RDX: variants seen among roughly 807,000 people sequenced by gnomAD.
RDX encodes the protein radixin.
A neutral mutation model predicts 83.7 loss-of-function variants in RDX; 32 were observed. That is an observed-to-expected ratio of 0.38 (90% confidence interval 0.29 to 0.51). The LOEUF (loss-of-function observed/expected upper bound fraction) is 0.51, where lower values mean the gene tolerates loss of function less well. Among genes scored for constraint, RDX ranks in the 20% least tolerant of loss-of-function variants. The pLI, the probability that RDX is intolerant of heterozygous loss-of-function variation, is 0.87. For missense variants in RDX, 600 were observed against 689.9 expected (o/e 0.87, Z 1.46); for synonymous variants, 229 against 222.7 (o/e 1.03, Z -0.25).
At chr11:110,184,046 C>A (rs1370983710) in intron 15 of RDX, among the ~76,000 whole-genome samples, 1 of 152,214 alleles carries the variant, frequency 6.6e-6, no homozygotes, top group Admixed American at 6.5e-5. Flanking sequence ...CATCCCCAGA[C>A]ATGTCCCCTG....
At chr11:110,236,493 ATTTGT>A in intron 11 of RDX, 1 of 308,770 alleles carries the variant, frequency 3.2e-6, no homozygotes. Flanking sequence ...TCAATAAACT[ATTTGT>A]TAAAGTCCAC....
At chr11:110,266,101 G>T (rs938522198) in intron 3 of RDX, among the ~76,000 whole-genome samples, 4 of 151,428 alleles carry the variant, frequency 2.6e-5, no homozygotes, top group Non-Finnish European at 5.9e-5. Context: ...GAGGCGGGCG[G>T]ATCACAAAGT....
chr11:110,190,118 G>C (rs1049389752), intron 15 of RDX, among the ~76,000 whole-genome samples: 9 of 152,124 alleles, frequency 5.9e-5, no homozygotes, highest in African/African-American at 1.9e-4. Flanking sequence ...TGAAAACAGA[G>C]ACACACATAC....
chr11:110,189,257 A>AAAAAAAAAAAAAC (rs1863056738), intron 15 of RDX, among the ~76,000 whole-genome samples: 1 of 148,058 alleles, frequency 6.8e-6, no homozygotes, highest in Admixed American at 6.7e-5. Context: ...AAAAAAAAAA[A>AAAAAAAAAAAAAC]AAAAAAAAAA....
At chr11:110,272,678 T>C (rs544598782) in intron 2 of RDX, 59 bp from the exon 3 acceptor site, 2 of 1,119,980 alleles carry the variant, frequency 1.8e-6, no homozygotes, top group Admixed American at 3.8e-5. Context: ...GTGAGAAAAC[T>C]TTTATGATTT....
chr11:110,192,720 C>T (rs563987426), intron 15 of RDX, among the ~76,000 whole-genome samples: 34 of 152,226 alleles, frequency 2.2e-4, no homozygotes, highest in African/African-American at 7.9e-4. Context: ...TGAACAGACA[C>T]TTCTCAAAAG....
chr11:110,239,953 T>A (rs1865016444), intron 10 of RDX, among the ~76,000 whole-genome samples: 1 of 151,252 alleles, frequency 6.6e-6, no homozygotes, highest in South Asian at 2.1e-4. Flanking sequence ...TGTAGAACAA[T>A]ATAGAGTCCT....
In RDX at chr11:110,255,405, TC is replaced by T. The variant is rs762415391; in HGVS notation, c.699-21del. The T allele has an allele frequency of 9.7e-6, 12 of 1,233,368 alleles. No homozygotes were observed. The South Asian group carries it at 1.4e-4, about 15-fold the overall frequency. 76.4% of individuals were successfully genotyped at this position (1,233,368 alleles called of 1,614,324 possible). A position where few individuals can be genotyped will look rare whatever the true frequency, so the allele number is the denominator to read the frequency against. The stretch of plus-strand genomic sequence containing the variant: ...GTTAACCTTAAAAAATGAAAGCATC[TC>T]CTTAATTAAAGGCAGGAAACAATGA... On this transcript the variant is annotated intron_variant, in intron 7 of 13. Transcript: ENST00000645495.
At chr11:110,192,081 C>T (rs936808000) in intron 15 of RDX, among the ~76,000 whole-genome samples, 1 of 152,132 alleles carries the variant, frequency 6.6e-6, no homozygotes, top group African/African-American at 2.4e-5. Context: ...ATAGCCAGAG[C>T]AATCCAAAGC....
At chr11:110,265,109 G>GTTTTTTTTTTTTTTTTTT (rs71053876) in intron 3 of RDX, among the ~76,000 whole-genome samples, 15 of 90,672 alleles carry the variant, frequency 1.7e-4, no homozygotes, top group East Asian at 4.2e-4. Context: ...TTTTTTTTTT[G>GTTTTTTTTTTTTTTTTTT]TTTTTTTTTT....
At chr11:110,286,760 A>G (rs76094991) in intron 1 of RDX, among the ~76,000 whole-genome samples, 1,660 of 152,366 alleles carry the variant, frequency 0.011, 28 homozygotes, top group African/African-American at 0.037. Flanking sequence ...AAGCTGCACA[A>G]CAAAGAACAG....
At chr11:110,195,241 G>A (rs1443787044) in intron 15 of RDX, among the ~76,000 whole-genome samples, 2 of 152,038 alleles carry the variant, frequency 1.3e-5, no homozygotes, top group Admixed American at 1.3e-4. Flanking sequence ...TGGGATTACA[G>A]ACGTGAGCCA....
intron 1 of RDX, among the ~76,000 whole-genome samples, chr11:110,283,929 AATAT>A (rs778243549): frequency 3.4e-4 from 52 of 152,350 alleles, no homozygotes; most frequent in Middle Eastern, 3.4e-3. Context: ...CAAATGGTTA[AATAT>A]ATAAAGATAT....
At chr11:110,291,989 G>C (rs542183724) in intron 1 of RDX, among the ~76,000 whole-genome samples, 1 of 151,678 alleles carries the variant, frequency 6.6e-6, no homozygotes, top group Non-Finnish European at 1.5e-5. Context: ...CTACAAAAAG[G>C]CTTTTTAAAA....
At chr11:110,184,118 G>A (rs1862939579) in intron 15 of RDX, among the ~76,000 whole-genome samples, 5 of 152,232 alleles carry the variant, frequency 3.3e-5, no homozygotes. Context: ...GGGAGCACGT[G>A]AGAGCCCAAG....
At chr11:110,211,268 C>A (rs568577778) in intron 14 of RDX, among the ~76,000 whole-genome samples, 17 of 152,202 alleles carry the variant, frequency 1.1e-4, no homozygotes, top group Admixed American at 2.6e-4. Context: ...GGGATCAATT[C>A]AGCAAGAAGA....
At chr11:110,218,532 T>G (rs1464801321) in intron 14 of RDX, among the ~76,000 whole-genome samples, 1 of 152,134 alleles carries the variant, frequency 6.6e-6, no homozygotes, top group Non-Finnish European at 1.5e-5. Flanking sequence ...TCATCTGACA[T>G]TCCATCAGCA....
chr11:110,196,126 T>C (rs1863202967), intron 15 of RDX: 1 of 152,180 alleles, frequency 6.6e-6, no homozygotes. Context: ...ACCAGGTATG[T>C]CCTTATCCTA....
chr11:110,289,784 T>C (rs1036148630), intron 1 of RDX, among the ~76,000 whole-genome samples: 2 of 151,310 alleles, frequency 1.3e-5, no homozygotes, highest in African/African-American at 4.9e-5. Context: ...CCGTCTCTAC[T>C]AAAAATATAA....
Sources: gnomAD v4.1 joint callset for allele counts (sites outside exome capture counted in the v4.1 genomes callset) on GRCh38, gnomAD v4.1.1 for gene constraint, MANE v1.5 for transcripts, NCBI Gene and HGNC (gene_info 2026-07-23, HGNC 2026-07-21) for gene names.